The following SAMD5 variants were observed in gnomAD, a reference collection of about 807,000 sequenced individuals.
SAMD5 encodes sterile alpha motif domain containing 5, also known as sterile alpha motif domain-containing protein 5.
SAMD5 carries 13 observed loss-of-function variants against 11.3 expected under a neutral mutation model. The ratio of observed to expected loss-of-function variants is 1.15; its 90% CI spans 0.75 to 1.83. SAMD5 has a LOEUF of 1.83. Among genes scored for constraint, SAMD5 ranks in the 40% most tolerant of loss-of-function variants. SAMD5 has a pLI of 0.00. For synonymous variants in SAMD5, 129 were observed against 111.3 expected (o/e 1.16, Z -1.00); for missense variants, 255 against 239.1 (o/e 1.07, Z -0.44).
intron 1 of SAMD5, among the ~76,000 whole-genome samples, chr6:147,681,860 T>C (rs1168427036): frequency 6.6e-6 from 1 of 152,276 alleles, no homozygotes; most frequent in South Asian, 2.1e-4. Context: ...GGTGTTACAC[T>C]CTGGCTGGTG....
In SAMD5 at chr6:147,694,804, A is replaced by G. The variant is rs1021842088; in HGVS notation, c.163-42513A>G. On this transcript the variant is annotated intron_variant, in intron 1 of 1. Transcript: ENST00000566741. ...TGCATTCCAGCCTGGCGACAGAGCA[A>G]AACACTGTTATAAAAAATCACATAG... 3.9e-5 allele frequency among the ~76,000 whole-genome samples: 6 copies of G among 152,194 alleles called. 1 individual carries two copies. The highest frequency in any genetic ancestry group is 3.9e-4 in the Admixed American group (6 of 15,282).
intron 1 of SAMD5, among the ~76,000 whole-genome samples, chr6:147,642,984 C>T (rs844584): frequency 0.64 from 97,763 of 152,016 alleles, 31,741 homozygotes; most frequent in South Asian, 0.78. Context: ...GCGAAAATAA[C>T]TGTTACTTCC....
chr6:147,638,325 C>A (rs1306277866), intron 1 of SAMD5, among the ~76,000 whole-genome samples: 1 of 152,148 alleles, frequency 6.6e-6, no homozygotes, highest in Non-Finnish European at 1.5e-5. Context: ...TGAAATTTTT[C>A]CTTCTGCTCA....
the SAMD5 span, among the ~76,000 whole-genome samples, chr6:147,776,817 C>T: frequency 6.6e-6 from 1 of 152,188 alleles, no homozygotes; most frequent in Non-Finnish European, 1.5e-5. Context: ...CTGGGGTTAA[C>T]GTCCAAAGGT....
chr6:147,860,520 T>A, the SAMD5 span, among the ~76,000 whole-genome samples: 11 of 152,202 alleles, frequency 7.2e-5, 1 homozygote, highest in African/African-American at 2.2e-4. Flanking sequence ...AGATGATTCT[T>A]TACTTTGAAG....
intron 1 of SAMD5, among the ~76,000 whole-genome samples, chr6:147,645,811 T>TAA (rs1473114468): frequency 6.6e-6 from 1 of 152,162 alleles, no homozygotes; most frequent in African/African-American, 2.4e-5. Flanking sequence ...TATCAGACCT[T>TAA]AAGACTTGCT....
At chr6:147,542,555 T>C (rs1272834633) in intron 1 of SAMD5, among the ~76,000 whole-genome samples, 1 of 152,056 alleles carries the variant, frequency 6.6e-6, no homozygotes, top group East Asian at 1.9e-4. Flanking sequence ...GAGTGTTGAT[T>C]GGTCAGGGAT....
intron 1 of SAMD5, among the ~76,000 whole-genome samples, chr6:147,667,040 A>C (rs1388542920): frequency 6.6e-6 from 1 of 152,072 alleles, no homozygotes; most frequent in Non-Finnish European, 1.5e-5. Flanking sequence ...AGCCTTCTAG[A>C]GCCCTTCTGG....
chr6:147,814,461 A>T, the SAMD5 span, among the ~76,000 whole-genome samples: 144 of 152,216 alleles, frequency 9.5e-4, no homozygotes, highest in African/African-American at 3.3e-3. Flanking sequence ...TACCACACAG[A>T]CTTAACATCT....
the SAMD5 span, among the ~76,000 whole-genome samples, chr6:147,875,718 G>A: frequency 6.6e-6 from 1 of 152,068 alleles, no homozygotes; most frequent in Non-Finnish European, 1.5e-5. Context: ...TTTCATGGGA[G>A]TGTGAACCCT....
intron 1 of SAMD5, among the ~76,000 whole-genome samples, chr6:147,727,880 A>G (rs9497852): frequency 0.2 from 30,809 of 152,100 alleles, 4,876 homozygotes; most frequent in African/African-American, 0.44. Context: ...CACATTCAAC[A>G]TATAATAGGG....
intron 1 of SAMD5, among the ~76,000 whole-genome samples, chr6:147,554,810 AT>A (rs1231396088): frequency 6.6e-6 from 1 of 152,180 alleles, no homozygotes. Context: ...CTTGATGCTG[AT>A]TTTGTGATGC....
At chr6:147,702,229 C>T (rs748367471) in intron 1 of SAMD5, among the ~76,000 whole-genome samples, 70 of 152,180 alleles carry the variant, frequency 4.6e-4, no homozygotes, top group Non-Finnish European at 7.9e-4. Flanking sequence ...GGGAAAGACC[C>T]GCCCCCATGA....
At chr6:147,882,934 T>A in the SAMD5 span, among the ~76,000 whole-genome samples, 3 of 152,242 alleles carry the variant, frequency 2.0e-5, no homozygotes, top group African/African-American at 7.2e-5. Flanking sequence ...ATGGTTATTT[T>A]ACAGTTTCCC....
chr6:147,717,302 G>A (rs1791482908), intron 1 of SAMD5, among the ~76,000 whole-genome samples: 1 of 152,178 alleles, frequency 6.6e-6, no homozygotes, highest in South Asian at 2.1e-4. Context: ...TTCTACTGGT[G>A]TTCATGAGAC....
intron 1 of SAMD5, among the ~76,000 whole-genome samples, chr6:147,594,017 TACTC>T (rs1386723703): frequency 6.6e-6 from 1 of 150,560 alleles, no homozygotes; most frequent in Non-Finnish European, 1.5e-5. Flanking sequence ...TAATCCCAGA[TACTC>T]AGGAGGCTGA....
the SAMD5 span, among the ~76,000 whole-genome samples, chr6:147,931,249 G>A: frequency 6.6e-6 from 1 of 152,162 alleles, no homozygotes; most frequent in Non-Finnish European, 1.5e-5. Context: ...GTGTGGGGGT[G>A]AAAATGATGC....
At chr6:147,686,496 G>A (rs1791013455) in intron 1 of SAMD5, among the ~76,000 whole-genome samples, 1 of 152,130 alleles carries the variant, frequency 6.6e-6, no homozygotes, top group Non-Finnish European at 1.5e-5. Flanking sequence ...TGGATATCCA[G>A]TTGACCTAGT....
chr6:147,546,485 G>A (rs375608363), intron 1 of SAMD5, among the ~76,000 whole-genome samples: 8 of 140,292 alleles, frequency 5.7e-5, no homozygotes, highest in South Asian at 2.2e-4. Context: ...AGCCAGGGTC[G>A]CGCCACTGCA....
Sources: allele counts gnomAD v4.1 joint callset (sites outside exome capture counted in the v4.1 genomes callset), GRCh38; gene constraint gnomAD v4.1.1; transcripts MANE v1.5; gene names NCBI Gene and HGNC (gene_info 2026-07-23, HGNC 2026-07-21).